C6orf132: variants seen among roughly 807,000 people sequenced by gnomAD.
The protein encoded by C6orf132 is uncharacterized protein C6orf132.
Under a neutral mutation model 65.3 loss-of-function variants are expected in C6orf132, and 43 were observed. The observed-to-expected ratio is 0.66, with a 90% CI of 0.52 to 0.85. The LOEUF (loss-of-function observed/expected upper bound fraction) is 0.85. C6orf132 is among the 40% of genes least tolerant of loss of function. The probability of loss-of-function intolerance (pLI) is 0.00; values close to 1 mark genes in which losing one functional copy is unlikely to be tolerated. For missense variants in C6orf132, 1,488 were observed against 1,548.8 expected, an observed-to-expected ratio of 0.96 and a Z score of 0.66; for synonymous variants, 631 against 654.1, an observed-to-expected ratio of 0.96 and a Z score of 0.54.
chr6:42,127,604 G>A lies in C6orf132; in HGVS notation c.252+1068C>T, dbSNP rs144097003. Among the ~76,000 whole-genome samples, 980 of 152,318 alleles carry A rather than the reference G, an allele frequency of 6.4e-3. 14 individuals carry two copies. The highest frequency in any genetic ancestry group is 0.022 in the African/African-American group (922 of 41,570). On this transcript the variant is annotated intron_variant, in intron 2 of 4. Transcript: ENST00000341865. ...CTGAGAGCTCAGACCAGGGCAAGGG[G>A]CCTTTCAGTCCAGGCAATACTAAAC...
intron 1 of C6orf132, among the ~76,000 whole-genome samples, chr6:42,139,163 C>T (rs967948499): frequency 9.9e-5 from 15 of 152,198 alleles, no homozygotes; most frequent in African/African-American, 3.6e-4. Flanking sequence ...CCCTTCCATT[C>T]CACCGCCTGT....
At position 42,106,511 on chromosome 6, in the gene C6orf132, C is replaced by G; in HGVS notation, c.1401G>C (p.Met467Ile). 2.0e-6 allele frequency: 3 copies of G among 1,536,310 alleles called. No homozygotes were observed. The highest frequency in any genetic ancestry group is 4.9e-5 in the East Asian group (2 of 40,894). The stretch of plus-strand genomic sequence containing the variant: ...CTGCCAGCTCGTTCCGCAGCTTTTC[C>G]ATCTGGCTGGGGTCCCTCCAGTCCA... The part of the protein sequence containing the change: ...APVDWRDPSQ[M>I]EKLRNELAAY... Residue 467 changes from methionine to isoleucine, a missense_variant, in exon 4 of 5, where the codon ATG becomes ATC. Coordinates refer to ENST00000341865, the MANE Select transcript of C6orf132 (RefSeq NM_001164446.3).
Position 42,107,464 on chromosome 6 carries a change from G to T in C6orf132, c.448C>A (p.Pro150Thr). 1 of 1,538,486 alleles carries T rather than the reference G, an allele frequency of 6.5e-7. No individual in the cohort carries two copies. The highest frequency in any genetic ancestry group is 8.8e-7 in the Non-Finnish European group (1 of 1,140,894). Residue 150 changes from proline to threonine, a missense_variant, in exon 4 of 5, where the codon CCC (proline) becomes ACC (threonine). By Grantham distance (38) the Pro-to-Thr change is conservative. Transcript: ENST00000341865. ...PPPPPGPAPG[P>T]PQDISEPPGG... ...GGAGGTTCTGAAATGTCCTGAGGGG[G>T]CCCTGGGGCTGGGCCTGGGGGAGGT...
Position 42,102,032 on chromosome 6 carries a change from C to T in C6orf132, c.*1729G>A, listed in dbSNP as rs984481902. ...TTGACCTGGTCCCAGGAATTTGGCC[C>T]ACCAGTACCTGAAGATAGGGAAGCA... On this transcript the variant is annotated 3_prime_UTR_variant, in exon 5 of 5. Transcript: ENST00000341865. The T allele has an allele frequency of 6.6e-6, 1 of 152,160 alleles. No homozygotes were observed. The highest frequency in any genetic ancestry group is 6.6e-5 in the Admixed American group (1 of 15,264). 9.4% of individuals were successfully genotyped at this position (152,160 alleles called of 1,614,324 possible).
In C6orf132 at chr6:42,106,697, G is replaced by A; in HGVS notation, c.1215C>T (p.Pro405=). 7.1e-7 allele frequency: 1 copy of A among 1,405,892 alleles called. No individual in the cohort carries two copies. The highest frequency in any genetic ancestry group is 9.6e-7 in the Non-Finnish European group (1 of 1,044,846). The allele number at this position is 1,405,892 out of a possible 1,614,324, so 87.1% of individuals were successfully genotyped here. A position where few individuals can be genotyped will look rare whatever the true frequency, so the allele number is the denominator to read the frequency against. Residue 405 remains proline (P), a synonymous_variant, in exon 4 of 5, where the codon CCC becomes CCT. Transcript: ENST00000341865. ...CAGCTGGGGGAAGTGGGGGTGCTGG[G>A]GGAGGGAGGGGGGGTGCAGGAGGGG... The part of the protein sequence containing the change: ...PLPPPAPPLP[P]PAPPLPPAAP...
intron 2 of C6orf132, among the ~76,000 whole-genome samples, chr6:42,119,413 C>T (rs966238314): frequency 1.7e-5 from 2 of 121,026 alleles, no homozygotes; most frequent in African/African-American, 6.6e-5. Context: ...GGTGCAATTT[C>T]GGCTCACTGC....
In C6orf132 at chr6:42,106,090, CAT is replaced by C; in HGVS notation, c.1820_1821del (p.Asp607GlyfsTer41). ...TTGGCCACAGGCTTGGAGAGTTTGT[CAT>C]CATCAGCCCCGTTTTCACAAATTCT... ...GGRICENGAD[D>X]DKLSKPVAKN... On this transcript the variant is annotated frameshift_variant, in exon 4 of 5. Coordinates refer to ENST00000341865, the MANE Select transcript of C6orf132 (RefSeq NM_001164446.3). LOFTEE classifies it high-confidence loss of function. 2 of 1,537,224 alleles carry C rather than the reference CAT, an allele frequency of 1.3e-6. No homozygotes were observed. Among genetic ancestry groups the C allele is most frequent in the Non-Finnish European group, 1.7e-6 (2 of 1,146,908 alleles).
Position 42,107,231 on chromosome 6 carries a change from TG to T in C6orf132, c.680del (p.Pro227HisfsTer36). 8.2e-6 allele frequency: 6 copies of T among 735,614 alleles called. No individual in the cohort carries two copies. Among genetic ancestry groups the T allele is most frequent in the Non-Finnish European group, 9.3e-6 (6 of 645,846 alleles). 45.6% of individuals were successfully genotyped at this position (735,614 alleles called of 1,614,324 possible). A position where few individuals can be genotyped will look rare whatever the true frequency, so the allele number is the denominator to read the frequency against. ...GTGCTGGGGCTGGCACAGGAGGCGG[TG>T]GGGGGGCTAGAAAGGCCAAGGGTGG... is the stretch of plus-strand genomic sequence containing the variant. Reference protein sequence around the residue: ...PAPPLAFLAPPPPPVPAPAPP... With the variant: ...PAPPLAFLAPXPPPVPAPAPP... On this transcript the variant is annotated frameshift_variant, in exon 4 of 5. Coordinates refer to ENST00000341865, the MANE Select transcript of C6orf132 (RefSeq NM_001164446.3). LOFTEE classifies it high-confidence loss of function.
rs1288997049 is a variant in C6orf132, at chr6:42,128,786, A to G, written c.146-8T>C. The G allele has an allele frequency of 3.2e-6, 5 of 1,545,592 alleles. No individual in the cohort carries two copies. Among genetic ancestry groups the G allele is most frequent in the Non-Finnish European group, 3.5e-6 (4 of 1,141,614 alleles). ...CTCCATAATAGATGCCATCTAGAGA[A>G]CACAAGTGAGGGGACACCATAAGCT... On this transcript the variant is annotated splice_polypyrimidine_tract_variant and splice_region_variant and intron_variant, in intron 1 of 4. Transcript: ENST00000341865.
intron 1 of C6orf132, among the ~76,000 whole-genome samples, chr6:42,131,171 C>T (rs1396216784): frequency 6.6e-6 from 1 of 152,144 alleles, no homozygotes; most frequent in African/African-American, 2.4e-5. Flanking sequence ...CAGGTGTGCG[C>T]CACCACACCC....
intron 2 of C6orf132, among the ~76,000 whole-genome samples, chr6:42,120,488 C>T (rs765087051): frequency 5.3e-4 from 81 of 152,014 alleles, no homozygotes; most frequent in Non-Finnish European, 8.7e-4. Flanking sequence ...CCTCATGATC[C>T]GCCCGCCTAG....
chr6:42,136,891 C>A (rs567887711), intron 1 of C6orf132, among the ~76,000 whole-genome samples: 2 of 152,204 alleles, frequency 1.3e-5, no homozygotes, highest in African/African-American at 2.4e-5. Context: ...GCGCCGCCCC[C>A]CCAGCCCTGC....
rs949273220 is a variant in C6orf132, at chr6:42,104,532, C to T, written c.3380G>A (p.Arg1127Gln). The part of the protein sequence containing the change: ...APRLSLEGAA[R>Q]GAAEAKHKAP... ...TTTGTGCTTGGCCTCCGCGGCGCCC[C>T]GGGCGGCGCCCTCCAGGGACAGCCT... is the stretch of plus-strand genomic sequence containing the variant. Residue 1127 changes from arginine to glutamine, a missense_variant, in exon 4 of 5, where the codon CGG (arginine) becomes CAG (glutamine). Physicochemically the swap from Arg to Gln is conservative, Grantham distance 43. Transcript: ENST00000341865. This position sits in a 1 kb window ranked among gnomAD's most constrained non-coding sequence, Gnocchi z 4.1. 3.2e-6 allele frequency: 4 copies of T among 1,234,752 alleles called. No homozygotes were observed. The highest frequency in any genetic ancestry group is 4.0e-6 in the Non-Finnish European group (4 of 990,146). The allele number at this position is 1,234,752 out of a possible 1,614,324, so 76.5% of individuals were successfully genotyped here. A position where few individuals can be genotyped will look rare whatever the true frequency, so the allele number is the denominator to read the frequency against.
In C6orf132 at chr6:42,103,313, C is replaced by T. The variant is rs943027627; in HGVS notation, c.*448G>A. The T allele has an allele frequency of 1.3e-5, 5 of 397,566 alleles. No homozygotes were observed. The South Asian group carries it at 4.2e-4, about 34-fold the overall frequency. The allele number at this position is 397,566 out of a possible 1,614,324, so 24.6% of individuals were successfully genotyped here. ...TGCACACCCACCAGACAGAGCTGGG[C>T]CTCAGCCCTTTGCAAGGGCCTGACA... On this transcript the variant is annotated 3_prime_UTR_variant, in exon 5 of 5. Coordinates refer to ENST00000341865, the MANE Select transcript of C6orf132 (RefSeq NM_001164446.3).
chr6:42,125,013 A>C (rs1246153038), intron 2 of C6orf132, among the ~76,000 whole-genome samples: 2 of 152,162 alleles, frequency 1.3e-5, no homozygotes, highest in Non-Finnish European at 2.9e-5. Flanking sequence ...AATTGTAAGC[A>C]AAACTAGATG....
chr6:42,138,352 C>T (rs1291337655), intron 1 of C6orf132, among the ~76,000 whole-genome samples: 1 of 152,096 alleles, frequency 6.6e-6, no homozygotes, highest in Non-Finnish European at 1.5e-5. Context: ...AGTGCAGTGG[C>T]GCAATCTTGG....
chr6:42,104,962 C>T lies in C6orf132; in HGVS notation c.2950G>A (p.Glu984Lys), dbSNP rs1391923616. The change falls in exon 4 of 5, where the codon GAG becomes AAG. Residue 984 changes from glutamate to lysine, a missense_variant. Transcript: ENST00000341865. This position sits in a 1 kb window ranked among gnomAD's most constrained non-coding sequence, Gnocchi z 4.1. Reference sequence around the variant, plus strand: ...AACTCTGGCGGCGGTGGGATGACCTCGAAGTTGAACTCCTCCTCCTCCTCC... The same window carrying T: ...AACTCTGGCGGCGGTGGGATGACCTTGAAGTTGAACTCCTCCTCCTCCTCC... ...REEEEEEFNF[E>K]VIPPPPEFSN... is the part of the protein sequence containing the mutation. The T allele has an allele frequency of 4.0e-6, 6 of 1,490,398 alleles. No individual in the cohort carries two copies. Among genetic ancestry groups the T allele is most frequent in the Non-Finnish European group, 5.3e-6 (6 of 1,124,162 alleles). 92.3% of individuals were successfully genotyped at this position (1,490,398 alleles called of 1,614,324 possible).
intron 2 of C6orf132, 68 bp downstream of exon 2, chr6:42,128,604 G>A (rs898434293): frequency 3.2e-5 from 40 of 1,239,564 alleles, no homozygotes; most frequent in Admixed American, 6.0e-5. Context: ...ATGTCCACTC[G>A]GGCTAGGGCA....
At chr6:42,116,237 A>G (rs1258396534) in intron 2 of C6orf132, among the ~76,000 whole-genome samples, 3 of 151,898 alleles carry the variant, frequency 2.0e-5, no homozygotes, top group Non-Finnish European at 2.9e-5. Context: ...CTCTTTCAGC[A>G]CTTTCTATCA....
Sources: allele counts gnomAD v4.1 joint callset (sites outside exome capture counted in the v4.1 genomes callset), GRCh38; gene constraint gnomAD v4.1.1; non-coding constraint Gnocchi (gnomAD v3.1); transcripts MANE v1.5; gene names NCBI Gene and HGNC (gene_info 2026-07-23, HGNC 2026-07-21).